Variants in SNED1 observed in about 807,000 individuals in gnomAD.
SNED1 encodes sushi, nidogen and EGF-like domain-containing protein 1.
SNED1 carries 81 observed loss-of-function variants against 166.7 expected under a neutral mutation model. The observed-to-expected ratio is 0.49, with a 90% CI of 0.41 to 0.58. SNED1 has a LOEUF of 0.58. Ranked by LOEUF, SNED1 falls within the 20% of genes least tolerant of loss-of-function variation. The probability of loss-of-function intolerance (pLI) is 0.00; values close to 1 mark genes in which losing one functional copy is unlikely to be tolerated. For synonymous variants in SNED1, 762 were observed against 822.0 expected (o/e 0.93, Z 1.25); for missense variants, 1,604 against 2,000.2 (o/e 0.80, Z 3.78).
chr2:241,023,515 A>C (rs74000303), intron 1 of SNED1, among the ~76,000 whole-genome samples: 1 of 151,948 alleles, frequency 6.6e-6, no homozygotes, highest in African/African-American at 2.4e-5. Context: ...TGTGATATCT[A>C]TTAGGTCATT....
rs775418679 is a variant in SNED1, at chr2:241,071,701, A to ACCCCCCCCCCCCCCCCC, written c.3720_3721insCCCCCCCCCCCCCCCCC (p.Thr1241ProfsTer22). The ACCCCCCCCCCCCCCCCC allele has an allele frequency of 7.8e-7, 1 of 1,277,772 alleles. No individual in the cohort carries two copies. The highest frequency in any genetic ancestry group is 1.1e-6 in the Non-Finnish European group (1 of 925,716). 79.2% of individuals were successfully genotyped at this position (1,277,772 alleles called of 1,614,324 possible). Reference sequence around the variant, plus strand: ...GCTCAATGACCACAGCGCCCCCGAGACCCCCACCCAGCCCCCCAGGTACAT... The same window carrying ACCCCCCCCCCCCCCCCC: ...GCTCAATGACCACAGCGCCCCCGAGACCCCCCCCCCCCCCCCCCCCCCACCCAGCCCCCCAGGTACAT... On this transcript the variant is annotated frameshift_variant, in exon 25 of 32. Coordinates refer to ENST00000310397, the MANE Select transcript of SNED1 (RefSeq NM_001080437.3). LOFTEE classifies it high-confidence loss of function.
At chr2:241,089,218 A>T (rs148561315) in intron 31 of SNED1, 2 of 1,368,992 alleles carry the variant, frequency 1.5e-6, no homozygotes, top group African/African-American at 2.9e-5. Context: ...TCACTGCATG[A>T]AAGATGAATC....
intron 6 of SNED1, among the ~76,000 whole-genome samples, chr2:241,038,460 A>G (rs1222892553): frequency 2.0e-5 from 3 of 152,238 alleles, no homozygotes; most frequent in Non-Finnish European, 2.9e-5. Flanking sequence ...ATGTGACTTC[A>G]AGGTCCAAAG....
chr2:241,077,987 A>G (rs2063108642), intron 27 of SNED1, among the ~76,000 whole-genome samples: 1 of 152,156 alleles, frequency 6.6e-6, no homozygotes, highest in Non-Finnish European at 1.5e-5. Flanking sequence ...TATACCCAAG[A>G]GAAATGAAAA....
At chr2:241,040,541 G>GC in intron 8 of SNED1, 128 bp downstream of exon 8, 1 of 648,026 alleles carries the variant, frequency 1.5e-6, no homozygotes, top group Non-Finnish European at 2.6e-6. Flanking sequence ...GGGGTGGGAG[G>GC]ATGCCTCTGC....
rs776034276 is a variant in SNED1 at position 241,067,759 on chromosome 2, C to T, written c.3011-5C>T. On this transcript the variant is annotated splice_polypyrimidine_tract_variant and splice_region_variant and intron_variant, in intron 21 of 31. Coordinates refer to ENST00000310397, the MANE Select transcript of SNED1 (RefSeq NM_001080437.3). Reference sequence around the variant, plus strand: ...GGCACCTGCTGAACAGTCCATTCCCCCTAGGACCCCGCCCTGTGGAAGGCT... The same window carrying T: ...GGCACCTGCTGAACAGTCCATTCCCTCTAGGACCCCGCCCTGTGGAAGGCT... 9 of 1,601,946 alleles carry T rather than the reference C, an allele frequency of 5.6e-6. 1 individual carries two copies. The South Asian group carries it at 6.6e-5, about 12-fold the overall frequency.
chr2:241,046,260 G>T (rs2061643658), intron 8 of SNED1, among the ~76,000 whole-genome samples: 1 of 152,172 alleles, frequency 6.6e-6, no homozygotes, highest in South Asian at 2.1e-4. Context: ...TTTTTATAAG[G>T]TTAAGTATAT....
rs1029987340 is a variant in SNED1, at chr2:241,087,543, G to A, written c.4205+68G>A. On this transcript the variant is annotated intron_variant, in intron 30 of 31. Transcript: ENST00000310397. ...CCACAGGGTGATGGGGCAAGGGCGGGGTGCTATGGGATGCTGCAGGCCTGT... is the reference window on the plus strand; with the variant it reads ...CCACAGGGTGATGGGGCAAGGGCGGAGTGCTATGGGATGCTGCAGGCCTGT... The A allele has an allele frequency of 1.3e-5, 19 of 1,473,192 alleles. No homozygotes were observed. In the African/African-American group the frequency reaches 3.4e-4, roughly 26 times the overall value. 91.3% of individuals were successfully genotyped at this position (1,473,192 alleles called of 1,614,324 possible). A position where few individuals can be genotyped will look rare whatever the true frequency, so the allele number is the denominator to read the frequency against.
In SNED1 at chr2:240,998,701, G is replaced by A. The variant is rs1188078663; in HGVS notation, c.-137G>A. 2.2e-5 allele frequency: 4 copies of A among 181,304 alleles called. No homozygotes were observed. The highest frequency in any genetic ancestry group is 1.8e-4 in the South Asian group (1 of 5,434). 11.2% of individuals were successfully genotyped at this position (181,304 alleles called of 1,614,324 possible). A position where few individuals can be genotyped will look rare whatever the true frequency, so the allele number is the denominator to read the frequency against. Reference sequence around the variant, plus strand: ...CCCGGCCGAACGGGCGCGGGACGCGGAGCCCCCGACGGCGCGGCCAGCGGG... The same window carrying A: ...CCCGGCCGAACGGGCGCGGGACGCGAAGCCCCCGACGGCGCGGCCAGCGGG... On this transcript the variant is annotated 5_prime_UTR_variant, in exon 1 of 32. Transcript: ENST00000310397.
rs952170281 is a variant in SNED1 at position 241,069,061 on chromosome 2, C to T, written c.3307+38C>T. On this transcript the variant is annotated intron_variant, in intron 23 of 31. Transcript: ENST00000310397. This position sits in a 1 kb window ranked among gnomAD's most constrained non-coding sequence, Gnocchi z 4.9. ...GCGCGGCCCCCGGCACACGAAAGGC[C>T]GTCTTCTAGAAGCTCTGGCTTCCTT... is the stretch of plus-strand genomic sequence containing the variant. 75 of 1,400,928 alleles carry T rather than the reference C, an allele frequency of 5.4e-5. 1 individual carries two copies. The highest frequency in any genetic ancestry group is 2.5e-4 in the Admixed American group (12 of 48,074). 86.8% of individuals were successfully genotyped at this position (1,400,928 alleles called of 1,614,324 possible).
Position 240,998,768 on chromosome 2 carries a change from C to A in SNED1, c.-70C>A. ...GCACCCCGCCTGGCCCTGCCGGCCA[C>A]CCCCGCGCGCAGCCTAGTCCCCCAG... On this transcript the variant is annotated 5_prime_UTR_variant, in exon 1 of 32. Coordinates refer to ENST00000310397, the MANE Select transcript of SNED1 (RefSeq NM_001080437.3). The A allele has an allele frequency of 1.3e-6, 1 of 767,148 alleles. No homozygotes were observed. The allele number at this position is 767,148 out of a possible 1,614,324, so 47.5% of individuals were successfully genotyped here. A position where few individuals can be genotyped will look rare whatever the true frequency, so the allele number is the denominator to read the frequency against.
At chr2:241,055,819 C>G (rs2062024331) in intron 16 of SNED1, among the ~76,000 whole-genome samples, 1 of 152,206 alleles carries the variant, frequency 6.6e-6, no homozygotes, top group Non-Finnish European at 1.5e-5. Flanking sequence ...GATTAGATTC[C>G]AAGTCCACCT....
chr2:241,036,791 G>A lies in SNED1; in HGVS notation c.807G>A (p.Thr269=), dbSNP rs757911511. ...TCCAGCCCCTCCCTATGTCTGCAGC[G>A]TCCGTGTGCCTGGCCCTGCGCCCCT... ...QVRVGGCGHT[T]SVCLALRPCL... is the part of the protein sequence containing the mutation. The change falls in exon 5 of 32, where the codon ACG becomes ACA. Residue 269 remains threonine, a splice_region_variant and synonymous_variant. Transcript: ENST00000310397. 39 of 1,607,676 alleles carry A rather than the reference G, an allele frequency of 2.4e-5. No homozygotes were observed. Among genetic ancestry groups the A allele is most frequent in the Non-Finnish European group, 3.1e-5 (37 of 1,179,610 alleles).
chr2:241,015,251 A>G (rs74004218), intron 1 of SNED1, among the ~76,000 whole-genome samples: 21,031 of 152,190 alleles, frequency 0.14, 2,055 homozygotes, highest in African/African-American at 0.28. Flanking sequence ...GGAACCTGGC[A>G]TATTTCTGGA....
chr2:241,049,787 C>T (rs1306946513), intron 11 of SNED1, 30 bp from the exon 12 acceptor site: 1 of 1,569,886 alleles, frequency 6.4e-7, no homozygotes. Flanking sequence ...GGCGTAAGCT[C>T]CAGGACCACC....
chr2:241,037,149 C>G, intron 5 of SNED1, 91 bp from the exon 6 acceptor site: 1 of 1,190,118 alleles, frequency 8.4e-7, no homozygotes. Flanking sequence ...CGGGCTTGCT[C>G]CTCCTCCGTC....
At chr2:241,050,143 G>A (rs2061792297) in intron 12 of SNED1, 3 of 615,934 alleles carry the variant, frequency 4.9e-6, no homozygotes, top group East Asian at 2.8e-5. Context: ...CAGGCCTGCT[G>A]GTCATTACCT....
At chr2:241,050,197 C>T (rs2061794337) in intron 12 of SNED1, among the ~76,000 whole-genome samples, 1 of 152,178 alleles carries the variant, frequency 6.6e-6, no homozygotes, top group African/African-American at 2.4e-5. Context: ...AGCATTTTTC[C>T]AAATAGATTT....
chr2:241,011,259 G>C (rs1037829283), intron 1 of SNED1, among the ~76,000 whole-genome samples: 1 of 146,374 alleles, frequency 6.8e-6, no homozygotes, highest in Non-Finnish European at 1.5e-5. Context: ...GTCTCCTGGG[G>C]GTGGCAGGTC....
Sources: allele counts gnomAD v4.1 joint callset (sites outside exome capture counted in the v4.1 genomes callset), GRCh38; gene constraint gnomAD v4.1.1; non-coding constraint Gnocchi (gnomAD v3.1); transcripts MANE v1.5; gene names NCBI Gene and HGNC (gene_info 2026-07-23, HGNC 2026-07-21).